Variants in GABRR1 observed in about 807,000 individuals in gnomAD.
GABRR1 encodes the protein gamma-aminobutyric acid receptor subunit rho-1.
Under a neutral mutation model 55.5 loss-of-function variants are expected in GABRR1, and 59 were observed. That is an observed-to-expected ratio of 1.06 (90% confidence interval 0.86 to 1.32). The LOEUF is 1.32. Ranked by LOEUF, GABRR1 falls within the 40% of genes most tolerant of loss-of-function variation. The probability of loss-of-function intolerance (pLI) is 0.00; values close to 1 mark genes in which losing one functional copy is unlikely to be tolerated. For synonymous variants in GABRR1, 213 were observed against 226.0 expected, an observed-to-expected ratio of 0.94 and a Z score of 0.51; for missense variants, 602 against 619.1, an observed-to-expected ratio of 0.97 and a Z score of 0.29.
rs1280071473 is a variant in GABRR1, at chr6:89,224,869, G to A, written c.-410-3423C>T. 6.6e-5 allele frequency among the ~76,000 whole-genome samples: 10 copies of A among 151,872 alleles called. No homozygotes were observed. The East Asian group carries it at 1.6e-3, about 24-fold the overall frequency. On this transcript the variant is annotated intron_variant, in intron 1 of 11. Transcript: ENST00000369451. ...GTGATCTTGGCTTACTGCAACCTCC[G>A]CCTCCCAGGTTCAAGCGATTCTCCT...
At chr6:89,197,630 T>C (rs181709761) in intron 5 of GABRR1, among the ~76,000 whole-genome samples, 42 of 152,344 alleles carry the variant, frequency 2.8e-4, no homozygotes, top group Admixed American at 2.7e-3. Context: ...AGAGAAAACA[T>C]GCCTGTGGTG....
chr6:89,216,040 T>C (rs2039656430), intron 1 of GABRR1, among the ~76,000 whole-genome samples: 1 of 152,204 alleles, frequency 6.6e-6, no homozygotes, highest in Non-Finnish European at 1.5e-5. Flanking sequence ...TTCCAGTGTT[T>C]GCCCAAGCAA....
rs147367528 is a variant in GABRR1, at chr6:89,193,223, G to A, written c.573-2976C>T. Among the ~76,000 whole-genome samples, 51 of 152,290 alleles carry A rather than the reference G, an allele frequency of 3.3e-4. 2 individuals carry two copies. In the East Asian group the frequency reaches 7.3e-3, roughly 22 times the overall value. On this transcript the variant is annotated intron_variant, in intron 5 of 9. Transcript: ENST00000454853. ...CATTCGTACAACTCCACAGGCCACC[G>A]TGGCACCCAGGATGCTGTTAATAAG...
intron 3 of GABRR1, among the ~76,000 whole-genome samples, 182 bp downstream of exon 3, chr6:89,200,977 A>C (rs543389381): frequency 2.6e-5 from 4 of 152,250 alleles, no homozygotes; most frequent in African/African-American, 9.6e-5. Flanking sequence ...TGTTCAGCAG[A>C]ACCCAGGGCG....
chr6:89,211,986 T>C (rs9353654), intron 1 of GABRR1: 89,795 of 219,496 alleles, frequency 0.41, 24,998 homozygotes, highest in Admixed American at 0.56. Context: ...TCTAATTCTC[T>C]AGGCCCAGTT....
At position 89,185,463 on chromosome 6, in the gene GABRR1, G is replaced by A; in HGVS notation, c.656-13C>T. On this transcript the variant is annotated splice_polypyrimidine_tract_variant and intron_variant, in intron 6 of 9. Coordinates refer to ENST00000454853, the MANE Select transcript of GABRR1 (RefSeq NM_002042.5). ...TCTGTATAGGCATCTGAAAAGACAG[G>A]GGCCAGCATCAGACACAAGGTGGTG... 10 of 1,612,712 alleles carry A rather than the reference G, an allele frequency of 6.2e-6. No individual in the cohort carries two copies. The highest frequency in any genetic ancestry group is 8.5e-6 in the Non-Finnish European group (10 of 1,178,806).
chr6:89,209,016 A>G (rs1383765030), intron 1 of GABRR1, among the ~76,000 whole-genome samples: 2 of 152,172 alleles, frequency 1.3e-5, no homozygotes, highest in South Asian at 2.1e-4. Flanking sequence ...GTTCCCACCA[A>G]CTTGGTGGGC....
chr6:89,217,436 CAA>C (rs34012805), upstream of GABRR1: 205 of 1,127,148 alleles, frequency 1.8e-4, no homozygotes, highest in South Asian at 2.0e-4. Context: ...TTTACTCATG[CAA>C]AAAAAAAATC....
At chr6:89,207,051 G>A (rs992708609) in intron 1 of GABRR1, among the ~76,000 whole-genome samples, 8 of 152,142 alleles carry the variant, frequency 5.3e-5, no homozygotes, top group African/African-American at 1.9e-4. Flanking sequence ...TAAGAAATGA[G>A]TCAAGGGAGG....
At chr6:89,208,841 C>T (rs2127804555) in intron 1 of GABRR1, among the ~76,000 whole-genome samples, 1 of 152,340 alleles carries the variant, frequency 6.6e-6, no homozygotes, top group Admixed American at 6.5e-5. Flanking sequence ...CACTCCTTGA[C>T]CCCTGAGGCC....
Position 89,178,648 on chromosome 6 carries a change from T to G in GABRR1, c.*122A>C. 1.3e-6 allele frequency: 1 copy of G among 756,562 alleles called. No homozygotes were observed. Among genetic ancestry groups the G allele is most frequent in the Non-Finnish European group, 2.1e-6 (1 of 471,122 alleles). 46.9% of individuals were successfully genotyped at this position (756,562 alleles called of 1,614,324 possible). On this transcript the variant is annotated 3_prime_UTR_variant, in exon 10 of 10. Coordinates refer to ENST00000454853, the MANE Select transcript of GABRR1 (RefSeq NM_002042.5). ...TAGCTTTGGAAAGCTGCAGAAGGGA[T>G]AGTGAAAACATGGGTGGGTCCTGGG...
intron 6 of GABRR1, among the ~76,000 whole-genome samples, chr6:89,188,857 T>A (rs1043897411): frequency 1.3e-5 from 2 of 152,182 alleles, no homozygotes; most frequent in African/African-American, 4.8e-5. Context: ...TCTGTGTGTG[T>A]GCAAGCTTCC....
At chr6:89,217,564 T>A, upstream of GABRR1, 2 of 400,108 alleles carry the variant, frequency 5.0e-6, no homozygotes, top group Non-Finnish European at 9.0e-6. Flanking sequence ...TGTGTCCCAG[T>A]GGAACAATTA....
chr6:89,177,850 T>C lies in GABRR1; in HGVS notation c.*920A>G, dbSNP rs1037846087. On this transcript the variant is annotated 3_prime_UTR_variant, in exon 10 of 10. Coordinates refer to ENST00000454853, the MANE Select transcript of GABRR1 (RefSeq NM_002042.5). Reference sequence around the variant, plus strand: ...TAAGAAACCATGTGAGTATTTCTCATTCTAATGAGTTACAAGTAGTCCCAA... The same window carrying C: ...TAAGAAACCATGTGAGTATTTCTCACTCTAATGAGTTACAAGTAGTCCCAA... 2.6e-5 allele frequency: 4 copies of C among 152,242 alleles called. No homozygotes were observed. Among genetic ancestry groups the C allele is most frequent in the Admixed American group, 6.5e-5 (1 of 15,286 alleles). The allele number at this position is 152,242 out of a possible 1,614,324, so 9.4% of individuals were successfully genotyped here. A position where few individuals can be genotyped will look rare whatever the true frequency, so the allele number is the denominator to read the frequency against.
Position 89,181,983 on chromosome 6 carries a change from G to T in GABRR1, c.871C>A (p.Pro291Thr). The change falls in exon 8 of 10, where the codon CCC becomes ACC. Residue 291 changes from proline to threonine, a missense_variant. By Grantham distance (38) the Pro-to-Thr change is conservative. Transcript: ENST00000454853. ...GACAGCATGACCATCAGGGTAGCGG[G>T]GAAATAAGTTTGGAGCAAGAAGAAG... The part of the protein sequence containing the change: ...IFFFLLQTYF[P>T]ATLMVMLSWV... 6.2e-7 allele frequency: 1 copy of T among 1,614,080 alleles called. No individual in the cohort carries two copies. Among genetic ancestry groups the T allele is most frequent in the Non-Finnish European group, 8.5e-7 (1 of 1,180,020 alleles).
At chr6:89,190,119 A>C (rs756695195) in intron 6 of GABRR1, 46 bp downstream of exon 6, 1 of 1,343,568 alleles carries the variant, frequency 7.4e-7, no homozygotes. Flanking sequence ...AGGTGTTGAG[A>C]ATTATCAGGA....
chr6:89,230,515 C>T lies in GABRR1; in HGVS notation c.-411+701G>A, dbSNP rs552354402. ...CCTCAGCTGCAGGTCTGTTGGAATA[C>T]CCTGCCTTGTGAGGTGTCAGTGTGC... On this transcript the variant is annotated intron_variant, in intron 1 of 11. Coordinates refer to the GABRR1 transcript ENST00000369451. 5.2e-3 allele frequency among the ~76,000 whole-genome samples: 786 copies of T among 152,162 alleles called. 8 individuals are homozygous for T. The highest frequency in any genetic ancestry group is 0.018 in the African/African-American group (748 of 41,522).
intron 1 of GABRR1, among the ~76,000 whole-genome samples, chr6:89,208,353 G>A (rs1373604145): frequency 1.3e-5 from 2 of 152,140 alleles, no homozygotes; most frequent in South Asian, 4.1e-4. Context: ...TCCTTCCTAA[G>A]TGGATTTTTG....
intron 1 of GABRR1, among the ~76,000 whole-genome samples, chr6:89,224,445 T>C (rs137947285): frequency 2.6e-5 from 4 of 152,330 alleles, no homozygotes; most frequent in African/African-American, 4.8e-5. Context: ...TTGAGCATTT[T>C]TTCATGTTTG....
Sources: gnomAD v4.1 joint callset for allele counts (sites outside exome capture counted in the v4.1 genomes callset) on GRCh38, gnomAD v4.1.1 for gene constraint, MANE v1.5 for transcripts, NCBI Gene and HGNC (gene_info 2026-07-23, HGNC 2026-07-21) for gene names.